KCNIP1: variants seen among roughly 807,000 people sequenced by gnomAD.
KCNIP1 encodes A-type potassium channel modulatory protein KCNIP1.
KCNIP1 carries 18 observed loss-of-function variants against 33.0 expected under a neutral mutation model. The observed-to-expected ratio is 0.55, with a 90% confidence interval of 0.38 to 0.81. The LOEUF (loss-of-function observed/expected upper bound fraction) is 0.81, where lower values mean the gene tolerates loss of function less well. Among genes scored for constraint, KCNIP1 ranks in the 30% least tolerant of loss-of-function variants. The pLI, the probability that KCNIP1 is intolerant of heterozygous loss-of-function variation, is 0.00. For synonymous variants in KCNIP1, 93 were observed against 98.3 expected, an observed-to-expected ratio of 0.95 and a Z score of 0.32; for missense variants, 238 against 271.6, an observed-to-expected ratio of 0.88 and a Z score of 0.87.
intron 1 of KCNIP1, among the ~76,000 whole-genome samples, chr5:170,629,712 T>C (rs1759980838): frequency 6.6e-6 from 1 of 151,630 alleles, no homozygotes; most frequent in African/African-American, 2.4e-5. Flanking sequence ...CACCTTCACC[T>C]CCACAACCCC....
chr5:170,659,487 A>G (rs191597551), intron 1 of KCNIP1, among the ~76,000 whole-genome samples: 4 of 152,306 alleles, frequency 2.6e-5, no homozygotes, highest in Non-Finnish European at 5.9e-5. Context: ...AAGAAGAAAA[A>G]CCACATTGCC....
chr5:170,725,823 A>G (rs1413826936), intron 5 of KCNIP1, among the ~76,000 whole-genome samples: 1 of 152,168 alleles, frequency 6.6e-6, no homozygotes, highest in Non-Finnish European at 1.5e-5. Flanking sequence ...AATAAAAAAT[A>G]AATATTTTTT....
intron 1 of KCNIP1, among the ~76,000 whole-genome samples, chr5:170,655,277 T>C (rs1260908993): frequency 6.6e-6 from 1 of 152,162 alleles, no homozygotes; most frequent in Non-Finnish European, 1.5e-5. Flanking sequence ...CGGGGCCCTG[T>C]TGTATAAAAA....
intron 1 of KCNIP1, among the ~76,000 whole-genome samples, chr5:170,552,339 C>T (rs1268651707): frequency 6.6e-6 from 1 of 152,180 alleles, no homozygotes. Context: ...TTTGCGTTTT[C>T]ATGGAATTCA....
intron 1 of KCNIP1, among the ~76,000 whole-genome samples, chr5:170,605,211 C>T (rs1258126897): frequency 1.3e-5 from 2 of 152,148 alleles, no homozygotes; most frequent in Non-Finnish European, 2.9e-5. Flanking sequence ...TATCATGTGC[C>T]CCGACCTCCC....
intron 1 of KCNIP1, among the ~76,000 whole-genome samples, chr5:170,397,801 C>A (rs1429758953): frequency 6.6e-6 from 1 of 152,160 alleles, no homozygotes; most frequent in Admixed American, 6.5e-5. Flanking sequence ...CAGGGCACAT[C>A]TTGGTTTTAT....
At chr5:170,419,624 G>T (rs568867161) in intron 1 of KCNIP1, among the ~76,000 whole-genome samples, 1 of 152,184 alleles carries the variant, frequency 6.6e-6, no homozygotes, top group African/African-American at 2.4e-5. Flanking sequence ...ACATAAAATT[G>T]TGCACTTACG....
chr5:170,549,883 T>A (rs1756545394), intron 1 of KCNIP1, among the ~76,000 whole-genome samples: 1 of 152,218 alleles, frequency 6.6e-6, no homozygotes, highest in Non-Finnish European at 1.5e-5. Context: ...TCACAGATAT[T>A]TGTATGCTGT....
At chr5:170,496,089 C>T (rs966942074) in intron 1 of KCNIP1, among the ~76,000 whole-genome samples, 2 of 152,174 alleles carry the variant, frequency 1.3e-5, no homozygotes, top group South Asian at 2.1e-4. Flanking sequence ...ACTGTTCCCT[C>T]CTCCCCTCCC....
intron 1 of KCNIP1, among the ~76,000 whole-genome samples, chr5:170,668,080 A>G (rs983981034): frequency 6.6e-6 from 1 of 152,200 alleles, no homozygotes; most frequent in Admixed American, 6.5e-5. Context: ...ATCACAGGTA[A>G]TAGATGTGGG....
intron 1 of KCNIP1, among the ~76,000 whole-genome samples, chr5:170,612,647 T>G (rs994017027): frequency 2.6e-5 from 4 of 152,130 alleles, no homozygotes; most frequent in Non-Finnish European, 5.9e-5. Context: ...ATTGGTTTAA[T>G]GGAGTGGAGT....
At chr5:170,491,958 G>A (rs1026729511) in intron 1 of KCNIP1, among the ~76,000 whole-genome samples, 1 of 152,200 alleles carries the variant, frequency 6.6e-6, no homozygotes, top group Admixed American at 6.5e-5. Context: ...TTTCTGGGGA[G>A]ACTCTTTCTG....
intron 1 of KCNIP1, among the ~76,000 whole-genome samples, chr5:170,446,892 C>T (rs867844869): frequency 1.3e-5 from 2 of 152,318 alleles, no homozygotes; most frequent in South Asian, 4.1e-4. Flanking sequence ...GACTTGTGAA[C>T]CTGCTCCAGG....
intron 1 of KCNIP1, among the ~76,000 whole-genome samples, chr5:170,688,277 G>A (rs774892898): frequency 5.3e-5 from 8 of 152,174 alleles, no homozygotes; most frequent in Non-Finnish European, 1.0e-4. Flanking sequence ...CCTAAATAGA[G>A]ATTGGTTTAA....
chr5:170,656,637 A>G (rs998487665), intron 1 of KCNIP1, among the ~76,000 whole-genome samples: 1 of 152,216 alleles, frequency 6.6e-6, no homozygotes, highest in Admixed American at 6.5e-5. Context: ...GAGGCCACCC[A>G]TGAAGATCAG....
intron 1 of KCNIP1, among the ~76,000 whole-genome samples, chr5:170,657,988 G>C (rs773809670): frequency 3.9e-5 from 6 of 152,186 alleles, no homozygotes; most frequent in Non-Finnish European, 7.3e-5. Context: ...GTCCTCATGA[G>C]GCTCTCTAAG....
intron 1 of KCNIP1, chr5:170,679,222 T>G (rs1195002696): frequency 6.6e-6 from 1 of 152,226 alleles, no homozygotes; most frequent in East Asian, 1.9e-4. Context: ...ATGGCTGATT[T>G]CAAGCTGACA....
intron 1 of KCNIP1, chr5:170,484,343 C>T (rs562849306): frequency 2.1e-4 from 32 of 152,372 alleles, no homozygotes; most frequent in African/African-American, 7.5e-4. Context: ...GTGAAGAGCT[C>T]TCTCTGTGAT....
chr5:170,627,539 C>G (rs1759879488), intron 1 of KCNIP1, among the ~76,000 whole-genome samples: 1 of 152,218 alleles, frequency 6.6e-6, no homozygotes, highest in African/African-American at 2.4e-5. Flanking sequence ...CAACAAGGCT[C>G]CAGGGCCACC....
Sources: gnomAD v4.1 joint callset for allele counts (sites outside exome capture counted in the v4.1 genomes callset) on GRCh38, gnomAD v4.1.1 for gene constraint, MANE v1.5 for transcripts, NCBI Gene and HGNC (gene_info 2026-07-23, HGNC 2026-07-21) for gene names.